CAMKMT: variants seen among roughly 807,000 people sequenced by gnomAD.
CAMKMT encodes the protein CaM KMT.
CAMKMT carries 53 observed loss-of-function variants against 48.0 expected under a neutral mutation model. The observed-to-expected ratio is 1.10, with a 90% confidence interval of 0.89 to 1.39. The LOEUF (loss-of-function observed/expected upper bound fraction) is 1.39, where lower values mean the gene tolerates loss of function less well. CAMKMT is among the 40% of genes most tolerant of loss of function. CAMKMT has a pLI of 0.00. For synonymous variants in CAMKMT, 165 were observed against 152.3 expected (o/e 1.08, Z -0.61); for missense variants, 428 against 402.7 (o/e 1.06, Z -0.54).
In CAMKMT at chr2:44,584,674, G is replaced by A. The variant is rs530866655; in HGVS notation, c.377-119609G>A. Among the ~76,000 whole-genome samples, 4 of 152,194 alleles carry A rather than the reference G, an allele frequency of 2.6e-5. No individual in the cohort carries two copies. In the South Asian group the frequency reaches 8.3e-4, roughly 32 times the overall value. ...TAAAGCATGGTATTCAGTTCTATAA[G>A]GCAATAGAAGATAAGCAAGATGGAG... On this transcript the variant is annotated intron_variant, in intron 3 of 10. Coordinates refer to ENST00000378494, the MANE Select transcript of CAMKMT (RefSeq NM_024766.5).
At chr2:44,450,200 G>A (rs982816866) in intron 3 of CAMKMT, among the ~76,000 whole-genome samples, 1 of 152,154 alleles carries the variant, frequency 6.6e-6, no homozygotes, top group Non-Finnish European at 1.5e-5. Context: ...AGCAGGCTCA[G>A]TGAATAATGC....
At chr2:44,705,147 T>A (rs1271536764) in intron 4 of CAMKMT, among the ~76,000 whole-genome samples, 1 of 152,152 alleles carries the variant, frequency 6.6e-6, no homozygotes, top group African/African-American at 2.4e-5. Context: ...ATGTATTTTT[T>A]TAAGCTCTAT....
At chr2:44,455,660 G>A (rs1001746368) in intron 3 of CAMKMT, among the ~76,000 whole-genome samples, 2 of 152,160 alleles carry the variant, frequency 1.3e-5, no homozygotes, top group Admixed American at 1.3e-4. Context: ...GTGTAACTTT[G>A]ACCAAGTTAT....
At chr2:44,625,577 T>A (rs1015550367) in intron 3 of CAMKMT, among the ~76,000 whole-genome samples, 4 of 152,076 alleles carry the variant, frequency 2.6e-5, no homozygotes, top group Non-Finnish European at 5.9e-5. Flanking sequence ...TTCTAAAAAG[T>A]TTTGCTCACA....
intron 3 of CAMKMT, among the ~76,000 whole-genome samples, chr2:44,568,833 C>T (rs1394347004): frequency 6.6e-6 from 1 of 152,120 alleles, no homozygotes; most frequent in African/African-American, 2.4e-5. Flanking sequence ...TCTGAGAGGC[C>T]CTGTGGAGGC....
At chr2:44,694,611 C>A (rs1676838964) in intron 3 of CAMKMT, among the ~76,000 whole-genome samples, 1 of 152,148 alleles carries the variant, frequency 6.6e-6, no homozygotes, top group Non-Finnish European at 1.5e-5. Flanking sequence ...CTAACAATAA[C>A]AACAACAAAG....
intron 3 of CAMKMT, among the ~76,000 whole-genome samples, chr2:44,561,525 A>G (rs1471058524): frequency 6.6e-6 from 1 of 152,174 alleles, no homozygotes; most frequent in Non-Finnish European, 1.5e-5. Flanking sequence ...ACCTGGTGAC[A>G]TTTCCCAATA....
chr2:44,402,994 CTCTG>C (rs1682535871), intron 3 of CAMKMT, among the ~76,000 whole-genome samples: 4 of 146,290 alleles, frequency 2.7e-5, no homozygotes, highest in African/African-American at 7.6e-5. Flanking sequence ...TTTCTTTGGT[CTCTG>C]TCTGTTACAG....
intron 7 of CAMKMT, among the ~76,000 whole-genome samples, chr2:44,741,684 GAA>G (rs1679683325): frequency 6.6e-6 from 1 of 152,168 alleles, no homozygotes; most frequent in African/African-American, 2.4e-5. Context: ...TACCTTTTAG[GAA>G]TGTGTTATGG....
intron 3 of CAMKMT, among the ~76,000 whole-genome samples, chr2:44,642,258 A>G (rs921441700): frequency 3.3e-5 from 5 of 152,242 alleles, no homozygotes; most frequent in Admixed American, 2.6e-4. Context: ...CCTGGGGCAT[A>G]GATGGGAACA....
chr2:44,432,308 C>G (rs759297135), intron 3 of CAMKMT, among the ~76,000 whole-genome samples: 12 of 152,158 alleles, frequency 7.9e-5, no homozygotes, highest in Non-Finnish European at 1.3e-4. Flanking sequence ...TGCCCATCCC[C>G]TGACTCTCCT....
intron 3 of CAMKMT, among the ~76,000 whole-genome samples, chr2:44,553,024 G>T (rs1252727222): frequency 6.6e-6 from 1 of 152,222 alleles, no homozygotes; most frequent in Non-Finnish European, 1.5e-5. Flanking sequence ...TAGCCAAAGA[G>T]TTCAAAGTCA....
chr2:44,423,559 A>C (rs1085450), intron 3 of CAMKMT, among the ~76,000 whole-genome samples: 1 of 152,146 alleles, frequency 6.6e-6, no homozygotes, highest in East Asian at 1.9e-4. Flanking sequence ...TGCTGCAGAG[A>C]TGCCATCTTA....
intron 3 of CAMKMT, among the ~76,000 whole-genome samples, chr2:44,641,021 G>C (rs1673424123): frequency 6.6e-6 from 1 of 152,106 alleles, no homozygotes; most frequent in Non-Finnish European, 1.5e-5. Context: ...TTATGTTACA[G>C]ACTTGGTGAA....
In CAMKMT at chr2:44,653,888, G is replaced by A; in HGVS notation, c.377-50395G>A. The stretch of plus-strand genomic sequence containing the variant: ...TGAGTGAAAGAATGAAACCAAAACT[G>A]TCACATTTTAGCCTAAAGACTAGGA... On this transcript the variant is annotated intron_variant, in intron 3 of 10. Transcript: ENST00000378494. The surrounding 1 kb of genome is among the most constrained non-coding windows in gnomAD (Gnocchi z 5.2). 6.6e-6 allele frequency among the ~76,000 whole-genome samples: 1 copy of A among 152,140 alleles called. No individual in the cohort carries two copies. Among genetic ancestry groups the A allele is most frequent in the East Asian group, 1.9e-4 (1 of 5,198 alleles).
intron 3 of CAMKMT, among the ~76,000 whole-genome samples, chr2:44,494,264 C>G (rs1162410526): frequency 6.6e-6 from 1 of 152,150 alleles, no homozygotes; most frequent in African/African-American, 2.4e-5. Flanking sequence ...ATACAACAAG[C>G]TTAGGTGATG....
At chr2:44,432,713 G>T (rs960162878) in intron 3 of CAMKMT, among the ~76,000 whole-genome samples, 1 of 151,878 alleles carries the variant, frequency 6.6e-6, no homozygotes, top group Non-Finnish European at 1.5e-5. Context: ...ACATAACAAA[G>T]TTGCCTTAAA....
intron 3 of CAMKMT, among the ~76,000 whole-genome samples, chr2:44,643,504 A>G (rs975885754): frequency 6.6e-6 from 1 of 152,208 alleles, no homozygotes; most frequent in Non-Finnish European, 1.5e-5. Flanking sequence ...GGTAGGAGCT[A>G]GATCGGTAAA....
intron 7 of CAMKMT, among the ~76,000 whole-genome samples, chr2:44,719,902 C>G (rs969906176): frequency 6.6e-6 from 1 of 152,166 alleles, no homozygotes; most frequent in Non-Finnish European, 1.5e-5. Context: ...ATAAAATATA[C>G]CTGTTAGTGA....
Sources: gnomAD v4.1 joint callset for allele counts (sites outside exome capture counted in the v4.1 genomes callset) on GRCh38, gnomAD v4.1.1 for gene constraint, Gnocchi (gnomAD v3.1) non-coding constraint, MANE v1.5 for transcripts, NCBI Gene and HGNC (gene_info 2026-07-23, HGNC 2026-07-21) for gene names.